Variants in GART observed in about 807,000 individuals in gnomAD.
GART encodes the protein phosphoribosylglycinamide formyltransferase, phosphoribosylglycinamide synthetase, phosphoribosylaminoimidazole synthetase.
A neutral mutation model predicts 107.2 loss-of-function variants in GART; 43 were observed. The ratio of observed to expected loss-of-function variants is 0.40; its 90% CI spans 0.31 to 0.52. The LOEUF (loss-of-function observed/expected upper bound fraction) is 0.52. Among genes scored for constraint, GART ranks in the 20% least tolerant of loss-of-function variants. GART has a pLI of 0.52. For missense variants in GART, 1,107 were observed against 1,206.5 expected, an observed-to-expected ratio of 0.92 and a Z score of 1.22; for synonymous variants, 434 against 427.0, an observed-to-expected ratio of 1.02 and a Z score of -0.20.
In GART at chr21:33,517,531, C is replaced by G. The variant is rs1346557375; in HGVS notation, c.1780G>C (p.Glu594Gln). 6.2e-7 allele frequency: 1 copy of G among 1,614,092 alleles called. No individual in the cohort carries two copies. Among genetic ancestry groups the G allele is most frequent in the Admixed American group, 1.7e-5 (1 of 60,006 alleles). ...AGGTGAGGGAGTTTCTGATCTCGCT[C>G]CATGGCACCAACGGCAAACCCAGCT... ...DLAGFAVGAM[E>Q]RDQKLPHLER... Residue 594 changes from glutamate (E) to glutamine (Q), a missense_variant, in exon 15 of 22, where the codon GAG becomes CAG. Physicochemically the swap from Glu to Gln is conservative, Grantham distance 29. Coordinates refer to ENST00000381815, the MANE Select transcript of GART (RefSeq NM_000819.5).
At chr21:33,524,035 ACAAGT>A in intron 11 of GART, 1 of 983,936 alleles carries the variant, frequency 1.0e-6, no homozygotes, top group Non-Finnish European at 1.2e-6. Context: ...TATTGATTTT[ACAAGT>A]CAACAGTTTG....
chr21:33,531,257 T>G, intron 6 of GART: 1 of 499,200 alleles, frequency 2.0e-6, no homozygotes, highest in Non-Finnish European at 3.5e-6. Context: ...ATCCAGAACC[T>G]CAATAGTGTG....
chr21:33,527,811 A>G (rs1197701991), intron 10 of GART, among the ~76,000 whole-genome samples: 6 of 152,276 alleles, frequency 3.9e-5, no homozygotes, highest in African/African-American at 9.6e-5. Flanking sequence ...CCTCACCTCT[A>G]AAATATATCT....
At chr21:33,507,470 TG>T (rs2084701903) in intron 18 of GART, among the ~76,000 whole-genome samples, 1 of 152,168 alleles carries the variant, frequency 6.6e-6, no homozygotes, top group Non-Finnish European at 1.5e-5. Context: ...CAAAATCTAG[TG>T]TTTGATAGCA....
intron 11 of GART, chr21:33,524,331 C>A (rs2085027799): frequency 1.1e-6 from 1 of 909,770 alleles, no homozygotes; most frequent in African/African-American, 1.8e-5. Flanking sequence ...AGGAGGATCA[C>A]TTGAGCCCAG....
chr21:33,519,552 T>TCAA (rs1382680201), intron 14 of GART, among the ~76,000 whole-genome samples: 2 of 123,348 alleles, frequency 1.6e-5, no homozygotes, highest in Non-Finnish European at 3.5e-5. Context: ...AGACTCTGTT[T>TCAA]AAAAAAAAAA....
chr21:33,513,326 C>CT (rs897343970), intron 16 of GART, among the ~76,000 whole-genome samples: 4 of 151,962 alleles, frequency 2.6e-5, no homozygotes, highest in African/African-American at 9.7e-5. Flanking sequence ...AATCTCAGCA[C>CT]TTTAGGAGGC....
In GART at chr21:33,534,604, C is replaced by T. The variant is rs1443399389; in HGVS notation, c.391G>A (p.Glu131Lys). Reference protein sequence around the residue: ...TAQWKAFTKPEEACSFILSAD... With the variant: ...TAQWKAFTKPKEACSFILSAD... ...CTCAAAATGAAGCTGCAGGCTTCTT[C>T]AGGTTTGGTGAAAGCCTTCCATTGT... is the stretch of plus-strand genomic sequence containing the variant. Residue 131 changes from glutamate to lysine, a missense_variant, in exon 4 of 22, where the codon GAA (glutamate) becomes AAA (lysine). Transcript: ENST00000381815. The T allele has an allele frequency of 1.2e-6, 2 of 1,614,042 alleles. No homozygotes were observed. Among genetic ancestry groups the T allele is most frequent in the African/African-American group, 2.7e-5 (2 of 74,924 alleles).
At chr21:33,505,900 G>C in intron 19 of GART, 74 bp downstream of exon 19, 1 of 1,579,176 alleles carries the variant, frequency 6.3e-7, no homozygotes, top group African/African-American at 1.3e-5. Context: ...AGTGCCCATA[G>C]ACCAGGGTCC....
At chr21:33,527,703 G>C (rs547033149) in intron 10 of GART, among the ~76,000 whole-genome samples, 79 of 152,252 alleles carry the variant, frequency 5.2e-4, no homozygotes, top group South Asian at 1.2e-3. Context: ...GATAAACTTT[G>C]AAACTGTTTG....
chr21:33,525,013 A>AT lies in GART; in HGVS notation c.1067-14dup, dbSNP rs2145725457. 3 of 1,604,982 alleles carry AT rather than the reference A, an allele frequency of 1.9e-6. No individual in the cohort carries two copies. In the East Asian group the frequency reaches 6.7e-5, roughly 36 times the overall value. On this transcript the variant is annotated splice_polypyrimidine_tract_variant and intron_variant, in intron 10 of 21. Coordinates refer to ENST00000381815, the MANE Select transcript of GART (RefSeq NM_000819.5). Reference sequence around the variant, plus strand: ...GCCTCAGGAAACCCTAGAAGAGAGCATATTTGACATATGATTTCAAATAGC... The same window carrying AT: ...GCCTCAGGAAACCCTAGAAGAGAGCATTATTTGACATATGATTTCAAATAGC...
intron 17 of GART, 73 bp from the exon 18 acceptor site, chr21:33,509,993 T>C (rs766733365): frequency 3.3e-5 from 46 of 1,393,962 alleles, no homozygotes; most frequent in Non-Finnish European, 4.4e-5. Flanking sequence ...AAGAAAAATA[T>C]TTTATGAAAA....
chr21:33,527,776 G>T (rs377238704), intron 10 of GART, among the ~76,000 whole-genome samples: 40 of 152,270 alleles, frequency 2.6e-4, no homozygotes, highest in African/African-American at 9.6e-4. Context: ...ACACAAAACT[G>T]TATGCATTTG....
intron 16 of GART, among the ~76,000 whole-genome samples, chr21:33,513,101 GTCTC>G (rs753357905): frequency 9.8e-5 from 9 of 91,814 alleles, no homozygotes; most frequent in Non-Finnish European, 1.5e-4. Flanking sequence ...GTGTGTGTGT[GTCTC>G]TGTGTGTGTG....
At chr21:33,528,641 G>T in intron 8 of GART, 37 bp from the exon 9 acceptor site, 1 of 1,234,244 alleles carries the variant, frequency 8.1e-7, no homozygotes, top group Non-Finnish European at 1.1e-6. Flanking sequence ...AAGAGAGAAA[G>T]AAAATCTATG....
At chr21:33,532,679 T>A (rs1465679484) in intron 4 of GART, among the ~76,000 whole-genome samples, 1 of 152,246 alleles carries the variant, frequency 6.6e-6, no homozygotes, top group Non-Finnish European at 1.5e-5. Context: ...TTTGCTTTTT[T>A]CATTTATCAT....
chr21:33,522,537 T>C (rs1459629830), intron 11 of GART, among the ~76,000 whole-genome samples: 1 of 152,240 alleles, frequency 6.6e-6, no homozygotes, highest in East Asian at 1.9e-4. Flanking sequence ...ACCGCTATTC[T>C]AACTCAATCA....
At chr21:33,514,101 T>C (rs1267150973) in intron 16 of GART, among the ~76,000 whole-genome samples, 1 of 152,118 alleles carries the variant, frequency 6.6e-6, no homozygotes, top group Non-Finnish European at 1.5e-5. Flanking sequence ...ACCCCGTCTC[T>C]ACTAAAAATA....
chr21:33,542,735 A>G, upstream of GART: 1 of 241,848 alleles, frequency 4.1e-6, no homozygotes, highest in Non-Finnish European at 8.2e-6. Flanking sequence ...CTTTAATCTC[A>G]GGCACTTAGC....
Sources: allele counts gnomAD v4.1 joint callset (sites outside exome capture counted in the v4.1 genomes callset), GRCh38; gene constraint gnomAD v4.1.1; transcripts MANE v1.5; gene names NCBI Gene and HGNC (gene_info 2026-07-23, HGNC 2026-07-21).